Variants in SLIT3 observed in about 807,000 individuals in gnomAD.
The protein encoded by SLIT3 is slit homolog 3 protein.
Under a neutral mutation model 184.0 loss-of-function variants are expected in SLIT3, and 68 were observed. The observed-to-expected ratio is 0.37, with a 90% confidence interval of 0.30 to 0.45. The LOEUF is 0.45. Ranked by LOEUF, SLIT3 falls within the 20% of genes least tolerant of loss-of-function variation. The pLI, the probability that SLIT3 is intolerant of heterozygous loss-of-function variation, is 1.00. For synonymous variants in SLIT3, 831 were observed against 828.6 expected (o/e 1.00, Z -0.05); for missense variants, 1,707 against 2,026.0 (o/e 0.84, Z 3.02).
chr5:168,737,765 G>C (rs1763487010), intron 20 of SLIT3, among the ~76,000 whole-genome samples: 2 of 152,196 alleles, frequency 1.3e-5, no homozygotes. Context: ...GCTTTGCAGA[G>C]TTTGTTTCCA....
chr5:169,030,606 A>G (rs1239070034), intron 4 of SLIT3: 2 of 152,240 alleles, frequency 1.3e-5, no homozygotes, highest in Non-Finnish European at 2.9e-5. Flanking sequence ...TTTTGTATCT[A>G]TGGAAATCAG....
chr5:168,951,885 T>C (rs1762660942), intron 4 of SLIT3, among the ~76,000 whole-genome samples: 1 of 152,162 alleles, frequency 6.6e-6, no homozygotes, highest in African/African-American at 2.4e-5. Context: ...AGGTCTTTGA[T>C]GCACAGGGCT....
At chr5:168,814,320 C>T (rs1258958469) in intron 8 of SLIT3, among the ~76,000 whole-genome samples, 2 of 152,118 alleles carry the variant, frequency 1.3e-5, no homozygotes, top group South Asian at 4.1e-4. Context: ...TGCTTGAACC[C>T]GTGAGGCAGA....
chr5:169,119,973 C>T (rs922277643), intron 4 of SLIT3: 1 of 152,114 alleles, frequency 6.6e-6, no homozygotes, highest in Middle Eastern at 3.2e-3. Flanking sequence ...CAGTAATAAC[C>T]CTTTTCATCA....
At chr5:169,018,978 T>C (rs79130729) in intron 4 of SLIT3, among the ~76,000 whole-genome samples, 2,757 of 152,306 alleles carry the variant, frequency 0.018, 35 homozygotes, top group Middle Eastern at 0.054. Flanking sequence ...GCACCCTGCA[T>C]TGACAACTAG....
At chr5:168,758,969 C>A (rs1477841307) in intron 16 of SLIT3, among the ~76,000 whole-genome samples, 2 of 152,148 alleles carry the variant, frequency 1.3e-5, no homozygotes, top group Non-Finnish European at 2.9e-5. Flanking sequence ...TTGTTTCATG[C>A]ATAAAATTAT....
intron 4 of SLIT3, among the ~76,000 whole-genome samples, chr5:169,132,215 AG>A (rs1267443686): frequency 7.2e-5 from 11 of 152,166 alleles, no homozygotes; most frequent in African/African-American, 2.7e-4. Flanking sequence ...AGAAATAGAG[AG>A]GTATGACAGA....
intron 3 of SLIT3, among the ~76,000 whole-genome samples, chr5:169,210,641 T>G (rs1279576199): frequency 1.3e-5 from 2 of 152,026 alleles, no homozygotes; most frequent in Non-Finnish European, 2.9e-5. Flanking sequence ...GGGGTGAAAC[T>G]GGAGTTGAAC....
intron 4 of SLIT3, among the ~76,000 whole-genome samples, chr5:169,042,244 G>GA (rs1265279379): frequency 1.3e-5 from 2 of 152,048 alleles, no homozygotes; most frequent in Non-Finnish European, 2.9e-5. Flanking sequence ...CTACACATTA[G>GA]AAAAAAGTCC....
At chr5:168,975,123 C>A (rs1403814037) in intron 4 of SLIT3, among the ~76,000 whole-genome samples, 1 of 152,164 alleles carries the variant, frequency 6.6e-6, no homozygotes, top group Non-Finnish European at 1.5e-5. Context: ...AAGGGACTTC[C>A]TGGACATGGT....
At chr5:168,991,596 C>T (rs542813657) in intron 4 of SLIT3, among the ~76,000 whole-genome samples, 1 of 152,350 alleles carries the variant, frequency 6.6e-6, no homozygotes, top group African/African-American at 2.4e-5. Context: ...AAATGCCAGC[C>T]TGGGGAATGC....
chr5:169,088,733 A>G (rs1283182569), intron 4 of SLIT3, among the ~76,000 whole-genome samples: 1 of 152,024 alleles, frequency 6.6e-6, no homozygotes, highest in Non-Finnish European at 1.5e-5. Context: ...AGAAGAGCTG[A>G]CTGTGGCTGG....
intron 4 of SLIT3, among the ~76,000 whole-genome samples, chr5:169,171,725 TG>T (rs534346201): frequency 1.0e-3 from 158 of 152,352 alleles, no homozygotes; most frequent in African/African-American, 3.7e-3. Context: ...GAGAAGTTGC[TG>T]AACATTTGCA....
intron 7 of SLIT3, among the ~76,000 whole-genome samples, chr5:168,818,941 A>AT (rs935801264): frequency 1.7e-4 from 26 of 152,220 alleles, no homozygotes; most frequent in Admixed American, 1.3e-4. Context: ...ATAAAATGTA[A>AT]TTTTTTCTGC....
intron 23 of SLIT3, among the ~76,000 whole-genome samples, chr5:168,718,831 T>G (rs1762846961): frequency 6.6e-6 from 1 of 152,122 alleles, no homozygotes; most frequent in Non-Finnish European, 1.5e-5. Flanking sequence ...AAACTAAACC[T>G]TGATGCTCAT....
In SLIT3 at chr5:169,189,130, T is replaced by G. The variant is rs566926123; in HGVS notation, c.413+4349A>C. On this transcript the variant is annotated intron_variant, in intron 4 of 35. Coordinates refer to ENST00000519560, the MANE Select transcript of SLIT3 (RefSeq NM_003062.4). Reference sequence around the variant, plus strand: ...TTCTATAGCTCATGTTCTGTGTGTTTGAACACAGAATAAGAGGACAGACAC... The same window carrying G: ...TTCTATAGCTCATGTTCTGTGTGTTGGAACACAGAATAAGAGGACAGACAC... Among the ~76,000 whole-genome samples the G allele has an allele frequency of 1.2e-4, 18 of 152,254 alleles. No homozygotes were observed. The South Asian group carries it at 2.1e-3, about 18-fold the overall frequency.
Position 168,774,263 on chromosome 5 carries a change from A to G in SLIT3, c.1267T>C (p.Phe423Leu). Reference protein sequence around the residue: ...NKLQTISKGLFAPLQSIQTLH... With the variant: ...NKLQTISKGLLAPLQSIQTLH... ...GTCTGGATGGACTGCAGAGGGGCGA[A>G]GAGCCCCTTGCTGATGGTCTGCAGC... The change falls in exon 13 of 36, where the codon TTC (phenylalanine) becomes CTC (leucine). Residue 423 changes from phenylalanine to leucine, a missense_variant. Coordinates refer to ENST00000519560, the MANE Select transcript of SLIT3 (RefSeq NM_003062.4). 6.2e-7 allele frequency: 1 copy of G among 1,613,744 alleles called. No homozygotes were observed. The highest frequency in any genetic ancestry group is 8.5e-7 in the Non-Finnish European group (1 of 1,179,808).
At chr5:169,143,791 A>T (rs529353394) in intron 4 of SLIT3, among the ~76,000 whole-genome samples, 1 of 152,180 alleles carries the variant, frequency 6.6e-6, no homozygotes, top group East Asian at 1.9e-4. Context: ...CAGAGCCAGA[A>T]AACGAAAAAA....
At chr5:168,874,580 C>T (rs944569288) in intron 5 of SLIT3, among the ~76,000 whole-genome samples, 1 of 152,164 alleles carries the variant, frequency 6.6e-6, no homozygotes, top group East Asian at 1.9e-4. Flanking sequence ...AGGAAATATG[C>T]AAAGTCTGCC....
Sources: gnomAD v4.1 joint callset for allele counts (sites outside exome capture counted in the v4.1 genomes callset) on GRCh38, gnomAD v4.1.1 for gene constraint, MANE v1.5 for transcripts, NCBI Gene and HGNC (gene_info 2026-07-23, HGNC 2026-07-21) for gene names.